The following CACNA1A variants were observed in gnomAD, a reference collection of about 807,000 sequenced individuals.
The protein encoded by CACNA1A is voltage-dependent P/Q-type calcium channel subunit alpha-1A.
In CACNA1A, 57 loss-of-function variants were observed where a neutral mutation model predicts 262.4. That is an observed-to-expected ratio of 0.22 (90% CI 0.18 to 0.27). The LOEUF is 0.27. Ranked by LOEUF, CACNA1A falls within the 10% of genes least tolerant of loss-of-function variation. The probability of loss-of-function intolerance (pLI) is 1.00; values close to 1 mark genes in which losing one functional copy is unlikely to be tolerated. For synonymous variants in CACNA1A, 1,431 were observed against 1,419.3 expected, an observed-to-expected ratio of 1.01 and a Z score of -0.18; for missense variants, 2,526 against 3,562.8, an observed-to-expected ratio of 0.71 and a Z score of 7.41.
chr19:13,400,426 C>G (rs533179076), intron 3 of CACNA1A, among the ~76,000 whole-genome samples: 2 of 152,226 alleles, frequency 1.3e-5, no homozygotes, highest in Non-Finnish European at 2.9e-5. Flanking sequence ...TGTCCCAGTC[C>G]TTGTCAATTT....
intron 5 of CACNA1A, among the ~76,000 whole-genome samples, chr19:13,361,265 G>A (rs1006123837): frequency 3.3e-5 from 5 of 152,086 alleles, no homozygotes; most frequent in Admixed American, 6.6e-5. Flanking sequence ...AGAGAGAAAC[G>A]TGCCAACAGA....
At chr19:13,348,286 CA>C (rs1054924691) in intron 6 of CACNA1A, among the ~76,000 whole-genome samples, 105 of 151,834 alleles carry the variant, frequency 6.9e-4, no homozygotes, top group Non-Finnish European at 4.4e-5. Context: ...TGACATTCAC[CA>C]AAGGAGAGAA....
At chr19:13,439,639 CTGATCTCA>C (rs1319294101) in intron 3 of CACNA1A, among the ~76,000 whole-genome samples, 2 of 152,042 alleles carry the variant, frequency 1.3e-5, no homozygotes, top group African/African-American at 4.8e-5. Context: ...TCTCGATCTC[CTGATCTCA>C]TGATCTGCCC....
chr19:13,415,613 C>A (rs769299641), intron 3 of CACNA1A, among the ~76,000 whole-genome samples: 3 of 151,534 alleles, frequency 2.0e-5, no homozygotes, highest in Non-Finnish European at 4.4e-5. Context: ...TGGTGGTGCA[C>A]GCCTGTAGTC....
At chr19:13,478,566 C>T (rs1280212665) in intron 1 of CACNA1A, among the ~76,000 whole-genome samples, 1 of 152,144 alleles carries the variant, frequency 6.6e-6, no homozygotes, top group Non-Finnish European at 1.5e-5. Context: ...ATCCTCCTAC[C>T]TCGGCTTCCC....
Position 13,376,749 on chromosome 19 carries a change from A to ATAAT in CACNA1A, c.540-4971_540-4970insATTA, listed in dbSNP as rs2059415811. 3.4e-5 allele frequency among the ~76,000 whole-genome samples: 5 copies of ATAAT among 147,964 alleles called. 1 individual carries two copies. Among genetic ancestry groups the ATAAT allele is most frequent in the African/African-American group, 1.2e-4 (5 of 40,632 alleles). On this transcript the variant is annotated intron_variant, in intron 3 of 46. Transcript: ENST00000360228. ...ATGTTATATATGATATATATAACAC[A>ATAAT]ATATGTTATATGTGACATATATAAC...
intron 1 of CACNA1A, among the ~76,000 whole-genome samples, chr19:13,480,185 A>G (rs762078194): frequency 2.0e-5 from 3 of 152,176 alleles, no homozygotes; most frequent in Non-Finnish European, 2.9e-5. Context: ...TGTTTCCAAT[A>G]ACAGTTACAC....
intron 35 of CACNA1A, 79 bp from the exon 36 acceptor site, chr19:13,230,288 AGACAGACG>A: frequency 1.3e-6 from 2 of 1,517,618 alleles, no homozygotes; most frequent in East Asian, 2.3e-5. Context: ...GGATACAGAC[AGACAGACG>A]GACAGACAGA....
chr19:13,278,541 C>T (rs573630030), intron 22 of CACNA1A, among the ~76,000 whole-genome samples: 1 of 152,284 alleles, frequency 6.6e-6, no homozygotes, highest in African/African-American at 2.4e-5. Flanking sequence ...GAAGTCTCTC[C>T]TTCCCTCTGC....
chr19:13,436,546 CTCATTCAT>C (rs112868956), intron 3 of CACNA1A, among the ~76,000 whole-genome samples: 2 of 151,606 alleles, frequency 1.3e-5, no homozygotes, highest in African/African-American at 4.9e-5. Flanking sequence ...CATTCATTCA[CTCATTCAT>C]TCATCCACTC....
intron 1 of CACNA1A, among the ~76,000 whole-genome samples, chr19:13,475,126 A>G (rs1030992633): frequency 1.5e-4 from 23 of 152,242 alleles, no homozygotes; most frequent in African/African-American, 5.3e-4. Context: ...TTATAGGAAA[A>G]TATGAATATC....
intron 10 of CACNA1A, among the ~76,000 whole-genome samples, chr19:13,325,193 C>CT (rs762752087): frequency 0.013 from 1,649 of 123,926 alleles, 24 homozygotes; most frequent in Non-Finnish European, 0.021. Context: ...TCTTCTTCTT[C>CT]TTCTTTTTTT....
intron 6 of CACNA1A, among the ~76,000 whole-genome samples, chr19:13,348,979 G>A (rs2058847793): frequency 7.0e-6 from 1 of 143,230 alleles, no homozygotes; most frequent in African/African-American, 2.7e-5. Context: ...CTGCACTCTA[G>A]CCTGGGTGAC....
At chr19:13,246,689 G>A (rs761996579) in intron 30 of CACNA1A, among the ~76,000 whole-genome samples, 4 of 151,826 alleles carry the variant, frequency 2.6e-5, no homozygotes, top group African/African-American at 9.7e-5. Flanking sequence ...GCAGTGGCAC[G>A]TTCTCGGCTC....
At chr19:13,346,657 TATATATA>T (rs2058788714) in intron 6 of CACNA1A, among the ~76,000 whole-genome samples, 5 of 5,912 alleles carry the variant, frequency 8.5e-4, no homozygotes, top group African/African-American at 8.2e-4. Context: ...TATATATATA[TATATATA>T]TATTTTTTTT....
intron 3 of CACNA1A, among the ~76,000 whole-genome samples, chr19:13,448,275 G>A (rs968936011): frequency 2.0e-5 from 3 of 152,046 alleles, no homozygotes; most frequent in Admixed American, 6.6e-5. Flanking sequence ...CAAATACTGC[G>A]TGTTCTAAGT....
intron 40 of CACNA1A, among the ~76,000 whole-genome samples, chr19:13,213,507 C>A (rs1234899143): frequency 6.6e-6 from 1 of 152,104 alleles, no homozygotes; most frequent in Admixed American, 6.6e-5. Context: ...TTGGCATTTC[C>A]CCACTTGGAA....
intron 3 of CACNA1A, among the ~76,000 whole-genome samples, chr19:13,425,455 C>G (rs1478219894): frequency 6.6e-6 from 1 of 152,110 alleles, no homozygotes; most frequent in Non-Finnish European, 1.5e-5. Flanking sequence ...AGGATGGGGC[C>G]CCAATAGGCT....
chr19:13,408,168 G>A (rs1037411592), intron 3 of CACNA1A, among the ~76,000 whole-genome samples: 8 of 152,046 alleles, frequency 5.3e-5, no homozygotes, highest in African/African-American at 1.9e-4. Context: ...GAGAACAAAC[G>A]AATACACTGG....
Sources: gnomAD v4.1 joint callset for allele counts (sites outside exome capture counted in the v4.1 genomes callset) on GRCh38, gnomAD v4.1.1 for gene constraint, MANE v1.5 for transcripts, NCBI Gene and HGNC (gene_info 2026-07-23, HGNC 2026-07-21) for gene names.